Variants in SCUBE3 observed in about 807,000 individuals in gnomAD.
SCUBE3 encodes signal peptide, CUB and EGF-like domain-containing protein 3.
SCUBE3 carries 33 observed loss-of-function variants against 116.8 expected under a neutral mutation model. The ratio of observed to expected loss-of-function variants is 0.28; its 90% CI spans 0.21 to 0.38. The LOEUF (loss-of-function observed/expected upper bound fraction) is 0.38, where lower values mean the gene tolerates loss of function less well. SCUBE3 is among the 10% of genes least tolerant of loss of function. SCUBE3 has a pLI of 1.00. For synonymous variants in SCUBE3, 418 were observed against 496.9 expected (o/e 0.84, Z 2.11); for missense variants, 1,007 against 1,324.8 (o/e 0.76, Z 3.72).
At chr6:35,218,168 G>T in intron 1 of SCUBE3, 1 of 985,160 alleles carries the variant, frequency 1.0e-6, no homozygotes, top group South Asian at 4.7e-5. Context: ...TGAGCAGCTG[G>T]GACCTGTTGT....
In SCUBE3 at chr6:35,242,683, G is replaced by A. The variant is rs1784126205; in HGVS notation, c.1596G>A (p.Arg532=). The change falls in exon 14 of 22, where the codon CGG becomes CGA. Residue 532 remains arginine (R), a synonymous_variant. Transcript: ENST00000274938. Reference sequence around the variant, plus strand: ...TCCACCTTAAGTGTGACTCCTCTCGGAAGGGCAAGGGCCGACGGGCCCGGA... The same window carrying A: ...TCCACCTTAAGTGTGACTCCTCTCGAAAGGGCAAGGGCCGACGGGCCCGGA... ...TFIHLKCDSS[R]KGKGRRARTP... 1 of 1,614,028 alleles carries A rather than the reference G, an allele frequency of 6.2e-7. No homozygotes were observed. The highest frequency in any genetic ancestry group is 1.7e-5 in the Admixed American group (1 of 60,006).
At chr6:35,248,290 G>A (rs1784433970) in intron 21 of SCUBE3, among the ~76,000 whole-genome samples, 1 of 152,306 alleles carries the variant, frequency 6.6e-6, no homozygotes, top group African/African-American at 2.4e-5. Context: ...GAGTCAATAG[G>A]ATTTGCTATA....
In SCUBE3 at chr6:35,233,001, G is replaced by A. The variant is rs1357518318; in HGVS notation, c.595+26G>A. The A allele has an allele frequency of 3.1e-6, 5 of 1,612,968 alleles. No homozygotes were observed. Among genetic ancestry groups the A allele is most frequent in the Non-Finnish European group, 3.4e-6 (4 of 1,179,250 alleles). ...GTGAGATAATTGGGATGGCAGGTGG[G>A]GCAGTGGGGTCGGGGGTGAAAACAT... is the stretch of plus-strand genomic sequence containing the variant. On this transcript the variant is annotated intron_variant, in intron 5 of 21. Coordinates refer to ENST00000274938, the MANE Select transcript of SCUBE3 (RefSeq NM_152753.4). This position sits in a 1 kb window ranked among gnomAD's most constrained non-coding sequence, Gnocchi z 5.7.
At position 35,246,274 on chromosome 6, in the gene SCUBE3, G is replaced by A. The variant is rs202102896; in HGVS notation, c.2821G>A (p.Glu941Lys). ...GRLYASENHQ[E>K]ILKDKKLIKA... ...GCTCTATGCCTCTGAAAACCACCAG[G>A]AGATTTTAAAGGTGAATGAATATTA... Residue 941 changes from glutamate to lysine, a missense_variant, in exon 21 of 22, where the codon GAG becomes AAG. Transcript: ENST00000274938. The A allele has an allele frequency of 1.7e-4, 279 of 1,611,066 alleles. 1 individual carries two copies. The highest frequency in any genetic ancestry group is 3.0e-4 in the Admixed American group (18 of 59,986).
Position 35,239,684 on chromosome 6 carries a change from G to C in SCUBE3, c.830-68G>C. The C allele has an allele frequency of 6.7e-7, 1 of 1,492,542 alleles. No individual in the cohort carries two copies. 92.5% of individuals were successfully genotyped at this position (1,492,542 alleles called of 1,614,324 possible). ...TGCATGTCTCTGTCAGTGAGGGAGG[G>C]ATCTTTCTCCTTGTTTGTTCTCAGC... On this transcript the variant is annotated intron_variant, in intron 7 of 21. Coordinates refer to ENST00000274938, the MANE Select transcript of SCUBE3 (RefSeq NM_152753.4). The surrounding 1 kb of genome is among the most constrained non-coding windows in gnomAD (Gnocchi z 4.1).
In SCUBE3 at chr6:35,237,815, G is replaced by A. The variant is rs770704528; in HGVS notation, c.713-87G>A. ...GAGAGGCAGCTGAGGCCTTCCCTCG[G>A]GCCTCTGTGGTCTCCACTACCCTCA... On this transcript the variant is annotated intron_variant, in intron 6 of 21. Coordinates refer to ENST00000274938, the MANE Select transcript of SCUBE3 (RefSeq NM_152753.4). 20 of 742,930 alleles carry A rather than the reference G, an allele frequency of 2.7e-5. No individual in the cohort carries two copies. The Admixed American group carries it at 2.9e-4, about 11-fold the overall frequency. The allele number at this position is 742,930 out of a possible 1,614,324, so 46.0% of individuals were successfully genotyped here.
rs948836581 is a variant in SCUBE3 at position 35,228,820 on chromosome 6, A to G, written c.334+81A>G. 8.4e-6 allele frequency: 12 copies of G among 1,429,922 alleles called. No homozygotes were observed. Among genetic ancestry groups the G allele is most frequent in the African/African-American group, 1.4e-5 (1 of 71,412 alleles). The allele number at this position is 1,429,922 out of a possible 1,614,324, so 88.6% of individuals were successfully genotyped here. ...TTCAGCATTTCCTATTTCCCAGGGA[A>G]GGAGGAGAGAGTGATCAAGAAGAGC... On this transcript the variant is annotated intron_variant, in intron 3 of 21. Coordinates refer to ENST00000274938, the MANE Select transcript of SCUBE3 (RefSeq NM_152753.4). This position sits in a 1 kb window ranked among gnomAD's most constrained non-coding sequence, Gnocchi z 4.9.
At position 35,241,276 on chromosome 6, in the gene SCUBE3, GC is replaced by G; in HGVS notation, c.1195+13del. The G allele has an allele frequency of 1.3e-6, 2 of 1,583,734 alleles. No homozygotes were observed. Among genetic ancestry groups the G allele is most frequent in the Non-Finnish European group, 1.7e-6 (2 of 1,159,284 alleles). ...GGCAAAGATTGCACAGGTGGGCAGT[GC>G]CCTCTGCTGGCCAAAGATGACACTG... On this transcript the variant is annotated intron_variant, in intron 10 of 21. Coordinates refer to ENST00000274938, the MANE Select transcript of SCUBE3 (RefSeq NM_152753.4). This position sits in a 1 kb window ranked among gnomAD's most constrained non-coding sequence, Gnocchi z 4.1.
At chr6:35,246,345 G>A in intron 21 of SCUBE3, 60 bp downstream of exon 21, 1 of 1,208,712 alleles carries the variant, frequency 8.3e-7, no homozygotes, top group Non-Finnish European at 1.2e-6. Context: ...CAATATATAG[G>A]CAATAGGCTA....
At chr6:35,227,929 C>T (rs1783393924) in intron 2 of SCUBE3, among the ~76,000 whole-genome samples, 1 of 152,210 alleles carries the variant, frequency 6.6e-6, no homozygotes, top group East Asian at 1.9e-4. Flanking sequence ...GGACAGTTCA[C>T]AGCCCACAAC....
In SCUBE3 at chr6:35,243,577, G is replaced by C. The variant is rs780765761; in HGVS notation, c.1910-17G>C. ...AAATGCGGGGGTGGGTGGCTAGCGC[G>C]GCCGACTCTCCCTCAGTCAGCTGCC... On this transcript the variant is annotated splice_polypyrimidine_tract_variant and intron_variant, in intron 15 of 21. Coordinates refer to ENST00000274938, the MANE Select transcript of SCUBE3 (RefSeq NM_152753.4). The surrounding 1 kb of genome is among the most constrained non-coding windows in gnomAD (Gnocchi z 6.6). 9.5e-6 allele frequency: 15 copies of C among 1,584,358 alleles called. No homozygotes were observed. Among genetic ancestry groups the C allele is most frequent in the Non-Finnish European group, 1.3e-5 (15 of 1,162,246 alleles).
rs145527807 is a variant in SCUBE3, at chr6:35,218,772, G to A, written c.85+4269G>A. 7.0e-3 allele frequency among the ~76,000 whole-genome samples: 1,061 copies of A among 152,242 alleles called. 10 individuals carry two copies. Among genetic ancestry groups the A allele is most frequent in the South Asian group, 0.025 (122 of 4,826 alleles). On this transcript the variant is annotated intron_variant, in intron 1 of 21. Coordinates refer to ENST00000274938, the MANE Select transcript of SCUBE3 (RefSeq NM_152753.4). Reference sequence around the variant, plus strand: ...GGGACAGAGACTCCCCTCCCCCACTGGCCACTTAACATTGGACTGGCTACT... The same window carrying A: ...GGGACAGAGACTCCCCTCCCCCACTAGCCACTTAACATTGGACTGGCTACT...
rs918692085 is a variant in SCUBE3, at chr6:35,214,571, T to C, written c.85+68T>C. The C allele has an allele frequency of 4.5e-5, 46 of 1,027,372 alleles. No individual in the cohort carries two copies. Among genetic ancestry groups the C allele is most frequent in the Non-Finnish European group, 6.1e-5 (46 of 753,116 alleles). 63.6% of individuals were successfully genotyped at this position (1,027,372 alleles called of 1,614,324 possible). A position where few individuals can be genotyped will look rare whatever the true frequency, so the allele number is the denominator to read the frequency against. ...CTGGGCCTCAGGGCCTAGGAGCGATTCCCGAGGGGCAGGGCAGGTGCTGGG... is the reference window on the plus strand; with the variant it reads ...CTGGGCCTCAGGGCCTAGGAGCGATCCCCGAGGGGCAGGGCAGGTGCTGGG... On this transcript the variant is annotated intron_variant, in intron 1 of 21. Coordinates refer to ENST00000274938, the MANE Select transcript of SCUBE3 (RefSeq NM_152753.4). This position sits in a 1 kb window ranked among gnomAD's most constrained non-coding sequence, Gnocchi z 6.3.
chr6:35,224,630 CAA>C (rs780700359), intron 1 of SCUBE3: 537 of 21,630 alleles, frequency 0.025, 1 homozygote, highest in African/African-American at 0.054. Flanking sequence ...GACTTCATCT[CAA>C]AAAAAAAAAA....
In SCUBE3 at chr6:35,239,603, AAGAG is replaced by A; in HGVS notation, c.830-147_830-144del. ...AAGAGAGAGAGAGACAGGAAAGAGAAAGAGAAAGAGACAGAGAGAGATCAAGAAG... is the reference window on the plus strand; with the variant it reads ...AAGAGAGAGAGAGACAGGAAAGAGAAAAAGAGACAGAGAGAGATCAAGAAG... On this transcript the variant is annotated intron_variant, in intron 7 of 21. Transcript: ENST00000274938. This position sits in a 1 kb window ranked among gnomAD's most constrained non-coding sequence, Gnocchi z 4.1. 1 of 684,700 alleles carries A rather than the reference AAGAG, an allele frequency of 1.5e-6. No homozygotes were observed. The highest frequency in any genetic ancestry group is 2.9e-5 in the East Asian group (1 of 34,670). The allele number at this position is 684,700 out of a possible 1,614,324, so 42.4% of individuals were successfully genotyped here. A position where few individuals can be genotyped will look rare whatever the true frequency, so the allele number is the denominator to read the frequency against.
chr6:35,218,703 AG>A (rs1246319045), intron 1 of SCUBE3, among the ~76,000 whole-genome samples: 1 of 152,118 alleles, frequency 6.6e-6, no homozygotes, highest in Non-Finnish European at 1.5e-5. Context: ...CGGCCAACCC[AG>A]GGATGTCTAG....
At position 35,226,799 on chromosome 6, in the gene SCUBE3, C is replaced by T. The variant is rs1013897262; in HGVS notation, c.86-781C>T. Among the ~76,000 whole-genome samples, 127 of 151,880 alleles carry T rather than the reference C, an allele frequency of 8.4e-4. 1 individual carries two copies. Among genetic ancestry groups the T allele is most frequent in the African/African-American group, 2.9e-3 (121 of 41,500 alleles). ...GGCATCATCTATGTCCTTTCCTAAC[C>T]ATCCTCTTTTTTGCTAGATGGTGAG... is the stretch of plus-strand genomic sequence containing the variant. On this transcript the variant is annotated intron_variant, in intron 1 of 21. Coordinates refer to ENST00000274938, the MANE Select transcript of SCUBE3 (RefSeq NM_152753.4).
Position 35,233,085 on chromosome 6 carries a change from T to C in SCUBE3, c.596-100T>C, listed in dbSNP as rs1349771276. The C allele has an allele frequency of 1.4e-5, 21 of 1,498,888 alleles. No individual in the cohort carries two copies. In the South Asian group the frequency reaches 1.8e-4, roughly 13 times the overall value. The allele number at this position is 1,498,888 out of a possible 1,614,324, so 92.8% of individuals were successfully genotyped here. On this transcript the variant is annotated intron_variant, in intron 5 of 21. Transcript: ENST00000274938. The surrounding 1 kb of genome is among the most constrained non-coding windows in gnomAD (Gnocchi z 5.7). ...ACAGGGCTGGGAGGAAAAGGGAGTA[T>C]GGGGGAGGCAACTAGGCAAGGGGGC...
rs1363312312 is a variant in SCUBE3, at chr6:35,242,266, T to C, written c.1480T>C (p.Leu494=). ...SFKIKDAKCR[L]HLRNKGKTEE... is the part of the protein sequence containing the mutation. The stretch of plus-strand genomic sequence containing the variant: ...CAAGATCAAGGATGCCAAATGCCGT[T>C]TGCACCTGCGAAACAAAGGCAAAAC... The change falls in exon 13 of 22, where the codon TTG becomes CTG. Residue 494 remains leucine, a synonymous_variant. Coordinates refer to ENST00000274938, the MANE Select transcript of SCUBE3 (RefSeq NM_152753.4). The C allele has an allele frequency of 2.5e-6, 4 of 1,613,884 alleles. No individual in the cohort carries two copies. The highest frequency in any genetic ancestry group is 1.7e-5 in the Admixed American group (1 of 59,990).
Sources: allele counts gnomAD v4.1 joint callset (sites outside exome capture counted in the v4.1 genomes callset), GRCh38; gene constraint gnomAD v4.1.1; non-coding constraint Gnocchi (gnomAD v3.1); transcripts MANE v1.5; gene names NCBI Gene and HGNC (gene_info 2026-07-23, HGNC 2026-07-21).